GRIK2: variants seen among roughly 807,000 people sequenced by gnomAD.
The protein encoded by GRIK2 is glutamate ionotropic receptor kainate type subunit 2, also known as glutamate receptor ionotropic, kainate 2.
GRIK2 carries 32 observed loss-of-function variants against 100.3 expected under a neutral mutation model. The ratio of observed to expected loss-of-function variants is 0.32; its 90% CI spans 0.24 to 0.43. The LOEUF (loss-of-function observed/expected upper bound fraction) is 0.43, where lower values mean the gene tolerates loss of function less well. Ranked by LOEUF, GRIK2 falls within the 20% of genes least tolerant of loss-of-function variation. The probability of loss-of-function intolerance (pLI) is 1.00; values close to 1 mark genes in which losing one functional copy is unlikely to be tolerated. For synonymous variants in GRIK2, 417 were observed against 389.4 expected (o/e 1.07, Z -0.83); for missense variants, 843 against 1,114.9 (o/e 0.76, Z 3.47).
chr6:101,923,019 C>A (rs1582543210), intron 12 of GRIK2, among the ~76,000 whole-genome samples: 1 of 152,290 alleles, frequency 6.6e-6, no homozygotes, highest in East Asian at 1.9e-4. Flanking sequence ...CTTCAATCAA[C>A]CTTTCTGTTT....
chr6:101,609,891 T>C (rs1302458867), intron 2 of GRIK2, among the ~76,000 whole-genome samples: 2 of 151,858 alleles, frequency 1.3e-5, no homozygotes, highest in Admixed American at 6.6e-5. Flanking sequence ...GATAGATATT[T>C]ATAGAGAAGT....
chr6:102,022,276 T>C (rs1241187710), intron 14 of GRIK2, among the ~76,000 whole-genome samples: 1 of 151,726 alleles, frequency 6.6e-6, no homozygotes, highest in Admixed American at 6.6e-5. Flanking sequence ...ACACAGTTGT[T>C]AATGAATTAA....
chr6:101,541,362 C>A (rs1170644399), intron 2 of GRIK2, among the ~76,000 whole-genome samples: 1 of 614 alleles, frequency 1.6e-3, no homozygotes, highest in African/African-American at 2.9e-3. Flanking sequence ...GATGTTACAC[C>A]CCAGCGCACA....
intron 7 of GRIK2, among the ~76,000 whole-genome samples, chr6:101,760,695 T>TATATTTAATTATATATTTAATTATATTTA (rs1562364797): frequency 1.2e-5 from 1 of 80,014 alleles, no homozygotes; most frequent in African/African-American, 6.1e-5. Flanking sequence ...TATATATAAT[T>TATATTTAATTATATATTTAATTATATTTA]ATATATAATT....
In GRIK2 at chr6:101,963,985, A is replaced by G. The variant is rs146466714; in HGVS notation, c.2085+35353A>G. ...GGCAAAATATGCACCACTGCTCTGG[A>G]GCTAATGGGAAGGAGGGTATGGGTT... On this transcript the variant is annotated intron_variant, in intron 14 of 16. Coordinates refer to ENST00000369134, the MANE Select transcript of GRIK2 (RefSeq NM_021956.5). Among the ~76,000 whole-genome samples the G allele has an allele frequency of 3.2e-3, 490 of 152,070 alleles. 5 individuals carry two copies. Among genetic ancestry groups the G allele is most frequent in the African/African-American group, 0.01 (430 of 41,508 alleles).
chr6:101,934,984 AG>A (rs1790527479), intron 14 of GRIK2, among the ~76,000 whole-genome samples: 1 of 152,048 alleles, frequency 6.6e-6, no homozygotes, highest in African/African-American at 2.4e-5. Context: ...GTTTGGTTTT[AG>A]AGCTTATTCT....
chr6:101,889,998 T>C (rs1786936722), intron 12 of GRIK2, 135 bp downstream of exon 12: 3 of 633,766 alleles, frequency 4.7e-6, no homozygotes, highest in East Asian at 2.7e-5. Context: ...AATGAAATTT[T>C]AAGAATCACA....
intron 14 of GRIK2, among the ~76,000 whole-genome samples, chr6:102,011,721 A>G (rs1795549762): frequency 6.6e-6 from 1 of 150,988 alleles, no homozygotes; most frequent in Non-Finnish European, 1.5e-5. Context: ...AGTAGCTGGG[A>G]CTGCAGGCAC....
chr6:101,731,714 C>T (rs1050752209), intron 7 of GRIK2, among the ~76,000 whole-genome samples: 5 of 151,890 alleles, frequency 3.3e-5, no homozygotes, highest in Non-Finnish European at 5.9e-5. Flanking sequence ...GGAACAGACA[C>T]ATGTATAGAC....
intron 2 of GRIK2, among the ~76,000 whole-genome samples, chr6:101,401,244 G>A (rs1182227273): frequency 1.3e-5 from 2 of 152,056 alleles, no homozygotes; most frequent in African/African-American, 2.4e-5. Flanking sequence ...AATTATTGCC[G>A]CTCTGGTCTT....
At chr6:101,927,460 A>G (rs990088733) in intron 13 of GRIK2, 10 of 153,560 alleles carry the variant, frequency 6.5e-5, no homozygotes, top group African/African-American at 2.4e-4. Flanking sequence ...CATATCTACA[A>G]ATTTAGTATA....
At chr6:101,594,460 A>G (rs9498636) in intron 2 of GRIK2, among the ~76,000 whole-genome samples, 1 of 152,008 alleles carries the variant, frequency 6.6e-6, no homozygotes, top group South Asian at 2.1e-4. Context: ...CACAAAAAGC[A>G]TAGTTTTTCA....
intron 7 of GRIK2, among the ~76,000 whole-genome samples, chr6:101,687,138 A>G (rs1771756372): frequency 6.6e-6 from 1 of 152,048 alleles, no homozygotes; most frequent in African/African-American, 2.4e-5. Flanking sequence ...TAAATCCTTG[A>G]AAGATGGTAT....
chr6:101,965,213 C>G (rs1047328392), intron 14 of GRIK2, among the ~76,000 whole-genome samples: 1 of 152,078 alleles, frequency 6.6e-6, no homozygotes, highest in Non-Finnish European at 1.5e-5. Flanking sequence ...TTTTTGATCT[C>G]AGGACATGTG....
chr6:101,400,728 G>C (rs1482004464), intron 2 of GRIK2, among the ~76,000 whole-genome samples: 2 of 152,152 alleles, frequency 1.3e-5, no homozygotes, highest in Non-Finnish European at 2.9e-5. Context: ...GTAGAACAAA[G>C]GTAGGGATGT....
intron 2 of GRIK2, among the ~76,000 whole-genome samples, chr6:101,600,072 T>A (rs1779131350): frequency 6.6e-6 from 1 of 151,918 alleles, no homozygotes. Context: ...TTGAGTTAAT[T>A]TTTATGTAAG....
intron 7 of GRIK2, among the ~76,000 whole-genome samples, chr6:101,757,221 T>C (rs2128387800): frequency 6.6e-6 from 1 of 152,262 alleles, no homozygotes; most frequent in South Asian, 2.1e-4. Context: ...AAGAAAAATA[T>C]TTTTAAACAT....
intron 14 of GRIK2, among the ~76,000 whole-genome samples, chr6:101,955,670 A>G (rs1373463104): frequency 1.4e-5 from 2 of 143,688 alleles, no homozygotes; most frequent in African/African-American, 5.3e-5. Flanking sequence ...TAAGGAATTT[A>G]TCCATTTCAT....
intron 16 of GRIK2, among the ~76,000 whole-genome samples, chr6:102,058,544 G>T (rs1208539768): frequency 2.0e-5 from 3 of 151,360 alleles, no homozygotes; most frequent in African/African-American, 7.3e-5. Flanking sequence ...AGGTTCTTGG[G>T]CTCAGTTCTT....
Sources: gnomAD v4.1 joint callset for allele counts (sites outside exome capture counted in the v4.1 genomes callset) on GRCh38, gnomAD v4.1.1 for gene constraint, MANE v1.5 for transcripts, NCBI Gene and HGNC (gene_info 2026-07-23, HGNC 2026-07-21) for gene names.